Variants in DFFA observed in about 807,000 individuals in gnomAD.
The protein encoded by DFFA is DFF45.
DFFA carries 14 observed loss-of-function variants against 28.0 expected under a neutral mutation model. The observed-to-expected ratio is 0.50, with a 90% CI of 0.33 to 0.78. The LOEUF (loss-of-function observed/expected upper bound fraction) is 0.78, where lower values mean the gene tolerates loss of function less well. DFFA is among the 30% of genes least tolerant of loss of function. The pLI, the probability that DFFA is intolerant of heterozygous loss-of-function variation, is 0.02. For missense variants in DFFA, 395 were observed against 407.1 expected (o/e 0.97, Z 0.26); for synonymous variants, 158 against 170.3 (o/e 0.93, Z 0.56).
chr1:10,469,105 C>T (rs1320195018), intron 2 of DFFA, 72 bp downstream of exon 2: 9 of 1,453,288 alleles, frequency 6.2e-6, no homozygotes, highest in Non-Finnish European at 8.6e-6. Context: ...TGGCAATTGT[C>T]TGTGCAGTGA....
intron 3 of DFFA, among the ~76,000 whole-genome samples, chr1:10,463,992 T>C (rs2124341743): frequency 6.6e-6 from 1 of 151,990 alleles, no homozygotes; most frequent in East Asian, 2.0e-4. Flanking sequence ...CACGGTGTTC[T>C]ACCTCTCAAA....
chr1:10,460,401 G>C lies in DFFA; in HGVS notation c.*1089C>G, dbSNP rs1177850383. On this transcript the variant is annotated 3_prime_UTR_variant, in exon 6 of 6. Coordinates refer to ENST00000377038, the MANE Select transcript of DFFA (RefSeq NM_004401.3). ...CCGCCATCATGCCCAGCTAATTTTT[G>C]TATTTTTAGTAGAGACGGGGTTTCA... The C allele has an allele frequency of 6.7e-6, 1 of 148,930 alleles. No homozygotes were observed. Among genetic ancestry groups the C allele is most frequent in the African/African-American group, 2.5e-5 (1 of 40,330 alleles). The allele number at this position is 148,930 out of a possible 1,614,324, so 9.2% of individuals were successfully genotyped here. A position where few individuals can be genotyped will look rare whatever the true frequency, so the allele number is the denominator to read the frequency against.
In DFFA at chr1:10,472,124, G is replaced by C. The variant is rs977437708; in HGVS notation, c.136+199C>G. On this transcript the variant is annotated intron_variant, in intron 1 of 5. Transcript: ENST00000377038. This position sits in a 1 kb window ranked among gnomAD's most constrained non-coding sequence, Gnocchi z 5.0. ...TTCCTGGCTGTCTTCCCACCACCGT[G>C]GAGTCTCACACGAGATTAATTACGC... 2.6e-5 allele frequency among the ~76,000 whole-genome samples: 4 copies of C among 152,114 alleles called. No homozygotes were observed. Among genetic ancestry groups the C allele is most frequent in the Admixed American group, 6.6e-5 (1 of 15,258 alleles).
intron 1 of DFFA, among the ~76,000 whole-genome samples, chr1:10,471,062 C>CA (rs59465527): frequency 0.56 from 53,651 of 96,290 alleles, 15,801 homozygotes; most frequent in Non-Finnish European, 0.68. Context: ...CACTCCGTCT[C>CA]AAAAAAAAAA....
rs58464882 is a variant in DFFA at position 10,460,530 on chromosome 1, CTTT to C, written c.*957_*959del. 3,382 of 109,822 alleles carry C rather than the reference CTTT, an allele frequency of 0.031. 46 individuals are homozygous for C. Among genetic ancestry groups the C allele is most frequent in the Non-Finnish European group, 0.045 (2,381 of 52,802 alleles). The allele number at this position is 109,822 out of a possible 1,614,324, so 6.8% of individuals were successfully genotyped here. On this transcript the variant is annotated 3_prime_UTR_variant, in exon 6 of 6. Coordinates refer to ENST00000377038, the MANE Select transcript of DFFA (RefSeq NM_004401.3). Reference sequence around the variant, plus strand: ...GGTGTGAGCCACTGTCGTGCCTGTCCTTTTTTTTTTTTTTTTTGAGACAGAGTG... The same window carrying C: ...GGTGTGAGCCACTGTCGTGCCTGTCCTTTTTTTTTTTTTTGAGACAGAGTG...
intron 3 of DFFA, among the ~76,000 whole-genome samples, chr1:10,465,327 C>T (rs1457222038): frequency 6.6e-6 from 1 of 152,032 alleles, no homozygotes; most frequent in Non-Finnish European, 1.5e-5. Flanking sequence ...AATGCAGTGG[C>T]GTGATCTCTG....
In DFFA at chr1:10,458,504, A is replaced by T. The variant is rs1405743069; in HGVS notation, c.*2986T>A. On this transcript the variant is annotated 3_prime_UTR_variant, in exon 6 of 6. Coordinates refer to ENST00000377038, the MANE Select transcript of DFFA (RefSeq NM_004401.3). ...TTTGTTCTATTTAATTGTTTTCTGT[A>T]CCCCCATCTTTACCCTAGGACTTAT... 1 of 139,938 alleles carries T rather than the reference A, an allele frequency of 7.1e-6. No individual in the cohort carries two copies. The highest frequency in any genetic ancestry group is 1.6e-5 in the Non-Finnish European group (1 of 63,472). 8.7% of individuals were successfully genotyped at this position (139,938 alleles called of 1,614,324 possible). A position where few individuals can be genotyped will look rare whatever the true frequency, so the allele number is the denominator to read the frequency against.
At chr1:10,462,064 T>C (rs1208377182) in intron 5 of DFFA, among the ~76,000 whole-genome samples, 1 of 152,198 alleles carries the variant, frequency 6.6e-6, no homozygotes, top group Non-Finnish European at 1.5e-5. Context: ...TTCACCGTGT[T>C]CGCCAGGATG....
At chr1:10,471,656 C>T (rs1641100185) in intron 1 of DFFA, among the ~76,000 whole-genome samples, 1 of 152,132 alleles carries the variant, frequency 6.6e-6, no homozygotes, top group Non-Finnish European at 1.5e-5. Flanking sequence ...CGATTTGTTG[C>T]TACTGGCTAA....
At position 10,456,902 on chromosome 1, in the gene DFFA, G is replaced by A. The variant is rs1640869546; in HGVS notation, c.*4588C>T. On this transcript the variant is annotated 3_prime_UTR_variant, in exon 6 of 6. Coordinates refer to ENST00000377038, the MANE Select transcript of DFFA (RefSeq NM_004401.3). ...TTTAGACGTATTGCTGCGCTCCTAT[G>A]TGTCTATTCTACAAGGCTGGAGGCA... 1 of 152,194 alleles carries A rather than the reference G, an allele frequency of 6.6e-6. No homozygotes were observed. The highest frequency in any genetic ancestry group is 2.4e-5 in the African/African-American group (1 of 41,434). The allele number at this position is 152,194 out of a possible 1,614,324, so 9.4% of individuals were successfully genotyped here.
chr1:10,462,082 T>A lies in DFFA; in HGVS notation c.784-380A>T, dbSNP rs183400141. On this transcript the variant is annotated intron_variant, in intron 5 of 5. Transcript: ENST00000377038. Reference sequence around the variant, plus strand: ...ACCGTGTTCGCCAGGATGGTCTCGATCTCCTGACCTTGTGATCCGCCCACC... The same window carrying A: ...ACCGTGTTCGCCAGGATGGTCTCGAACTCCTGACCTTGTGATCCGCCCACC... Among the ~76,000 whole-genome samples, 28 of 152,246 alleles carry A rather than the reference T, an allele frequency of 1.8e-4. No individual in the cohort carries two copies. The South Asian group carries it at 5.4e-3, about 29-fold the overall frequency.
chr1:10,465,643 G>T (rs545108761), intron 3 of DFFA, among the ~76,000 whole-genome samples: 1 of 151,112 alleles, frequency 6.6e-6, no homozygotes, highest in African/African-American at 2.4e-5. Flanking sequence ...TGCCCGCCCC[G>T]GCCTCCCAAA....
intron 2 of DFFA, among the ~76,000 whole-genome samples, chr1:10,468,230 G>A (rs1416278911): frequency 6.6e-6 from 1 of 151,878 alleles, no homozygotes; most frequent in African/African-American, 2.4e-5. Context: ...CTGTGATGAT[G>A]ATGATGGCAG....
In DFFA at chr1:10,472,403, T is replaced by C. The variant is rs760217209; in HGVS notation, c.56A>G (p.Lys19Arg). ...GTAGTTGCGGCGCAGCAGACACGGC[T>C]TTAGAGTCCGGATCTCGCCAGATTC... is the stretch of plus-strand genomic sequence containing the variant. Reference protein sequence around the residue: ...VPESGEIRTLKPCLLRRNYSR... With the variant: ...VPESGEIRTLRPCLLRRNYSR... Residue 19 changes from lysine to arginine, a missense_variant, in exon 1 of 6, where the codon AAG (lysine) becomes AGG (arginine). Transcript: ENST00000377038. This position sits in a 1 kb window ranked among gnomAD's most constrained non-coding sequence, Gnocchi z 5.0. 6.2e-7 allele frequency: 1 copy of C among 1,612,438 alleles called. No individual in the cohort carries two copies. The highest frequency in any genetic ancestry group is 8.5e-7 in the Non-Finnish European group (1 of 1,179,220).
rs377456322 is a variant in DFFA, at chr1:10,467,728, C to T, written c.299-396G>A. On this transcript the variant is annotated intron_variant, in intron 2 of 5. Transcript: ENST00000377038. ...CTTTCACCATGTTGGCCAGGCTGGTCTCAAACTCCTGACTTCAAGTGATCT... is the reference window on the plus strand; with the variant it reads ...CTTTCACCATGTTGGCCAGGCTGGTTTCAAACTCCTGACTTCAAGTGATCT... 2.0e-4 allele frequency among the ~76,000 whole-genome samples: 31 copies of T among 152,270 alleles called. 1 individual carries two copies. In the South Asian group the frequency reaches 6.4e-3, roughly 32 times the overall value.
In DFFA at chr1:10,461,641, G is replaced by C; in HGVS notation, c.845C>G (p.Thr282Arg). 1 of 1,614,236 alleles carries C rather than the reference G, an allele frequency of 6.2e-7. No homozygotes were observed. Among genetic ancestry groups the C allele is most frequent in the Non-Finnish European group, 8.5e-7 (1 of 1,180,042 alleles). The change falls in exon 6 of 6, where the codon ACG (threonine) becomes AGG (arginine). Residue 282 changes from threonine to arginine, a missense_variant. By Grantham distance (71) the Thr-to-Arg change is moderately conservative. Transcript: ENST00000377038. ...CTCACAGGCCTCCTGAACAGTCTCC[G>C]TCTTCTTTATGTCCCAGTTCAAGGC... Reference protein sequence around the residue: ...AVALNWDIKKTETVQEACERE... With the variant: ...AVALNWDIKKRETVQEACERE...
rs1227861128 is a variant in DFFA, at chr1:10,463,528, C to G, written c.534G>C (p.Val178=). 6.2e-7 allele frequency: 1 copy of G among 1,614,206 alleles called. No homozygotes were observed. Among genetic ancestry groups the G allele is most frequent in the Non-Finnish European group, 8.5e-7 (1 of 1,180,050 alleles). The change falls in exon 4 of 6, where the codon GTG becomes GTC. Residue 178 remains valine (V), a synonymous_variant. Transcript: ENST00000377038. The part of the protein sequence containing the change: ...VQRLQHTLQQ[V]LDQREEVRQS... ...GACGCACTTCCTCTCTTTGGTCAAG[C>G]ACCTGTTGGAGTGTGTGCTGCAGCC... is the stretch of plus-strand genomic sequence containing the variant.
rs548786423 is a variant in DFFA, at chr1:10,456,750, G to A, written c.*4740C>T. On this transcript the variant is annotated 3_prime_UTR_variant, in exon 6 of 6. Transcript: ENST00000377038. ...CAAAGCCAGTTGCCTCATGAGGACCGACATTTGACTTAAGCTGAAATAATG... is the reference window on the plus strand; with the variant it reads ...CAAAGCCAGTTGCCTCATGAGGACCAACATTTGACTTAAGCTGAAATAATG... The A allele has an allele frequency of 2.4e-4, 37 of 152,288 alleles. No homozygotes were observed. The highest frequency in any genetic ancestry group is 7.5e-4 in the African/African-American group (31 of 41,568). 9.4% of individuals were successfully genotyped at this position (152,288 alleles called of 1,614,324 possible).
chr1:10,463,603 G>C lies in DFFA; in HGVS notation c.459C>G (p.Pro153=), dbSNP rs756412772. ...GTAGTTCCTGAGCCAGGTCTGAGCA[G>C]GGAGCGTCAACAAGCATCTAACAAA... ...EEDLQMLVDA[P]CSDLAQELRQ... Residue 153 remains proline (P), a synonymous_variant, in exon 4 of 6, where the codon CCC becomes CCG. Coordinates refer to ENST00000377038, the MANE Select transcript of DFFA (RefSeq NM_004401.3). 6.2e-7 allele frequency: 1 copy of C among 1,612,350 alleles called. No individual in the cohort carries two copies. The highest frequency in any genetic ancestry group is 8.5e-7 in the Non-Finnish European group (1 of 1,179,558).
Sources: gnomAD v4.1 joint callset for allele counts (sites outside exome capture counted in the v4.1 genomes callset) on GRCh38, gnomAD v4.1.1 for gene constraint, Gnocchi (gnomAD v3.1) non-coding constraint, MANE v1.5 for transcripts, NCBI Gene and HGNC (gene_info 2026-07-23, HGNC 2026-07-21) for gene names.